Variants in ZNF385D observed in about 807,000 individuals in gnomAD.
ZNF385D encodes the protein zinc finger protein 659.
Under a neutral mutation model 35.8 loss-of-function variants are expected in ZNF385D, and 15 were observed. The observed-to-expected ratio is 0.42, with a 90% CI of 0.28 to 0.64. The LOEUF (loss-of-function observed/expected upper bound fraction) is 0.64. ZNF385D is among the 30% of genes least tolerant of loss of function. The pLI is 0.23. For synonymous variants in ZNF385D, 212 were observed against 186.8 expected (o/e 1.13, Z -1.10); for missense variants, 474 against 494.6 (o/e 0.96, Z 0.39).
At position 21,948,228 on chromosome 3, in the gene ZNF385D, T is replaced by C. The variant is rs574251209; in HGVS notation, c.325+220589A>G. On this transcript the variant is annotated intron_variant, in intron 3 of 5. Coordinates refer to the ZNF385D transcript ENST00000494108. ...AATTTCATAAATGGCCCTCATTTTT[T>C]TTACACTTACTGAAATAGATTAATT... Among the ~76,000 whole-genome samples, 361 of 151,074 alleles carry C rather than the reference T, an allele frequency of 2.4e-3. 1 individual carries two copies. Among genetic ancestry groups the C allele is most frequent in the Non-Finnish European group, 4.4e-3 (297 of 67,922 alleles).
intron 3 of ZNF385D, among the ~76,000 whole-genome samples, chr3:21,888,570 G>A (rs1575843786): frequency 6.6e-6 from 1 of 152,094 alleles, no homozygotes; most frequent in Non-Finnish European, 1.5e-5. Context: ...AGTTTTCAGT[G>A]TTGCTGCGGA....
chr3:22,200,909 G>T (rs1029928723), intron 2 of ZNF385D, among the ~76,000 whole-genome samples: 1 of 152,070 alleles, frequency 6.6e-6, no homozygotes, highest in Non-Finnish European at 1.5e-5. Flanking sequence ...TATCTCTCTT[G>T]TTCCCTCAAC....
intron 3 of ZNF385D, among the ~76,000 whole-genome samples, chr3:22,087,347 C>G (rs1445267290): frequency 1.3e-5 from 2 of 151,968 alleles, no homozygotes; most frequent in Non-Finnish European, 2.9e-5. Flanking sequence ...CATGAACACT[C>G]AGAGAAATAA....
chr3:22,038,749 T>A (rs536482050), intron 3 of ZNF385D, among the ~76,000 whole-genome samples: 1 of 151,978 alleles, frequency 6.6e-6, no homozygotes, highest in Non-Finnish European at 1.5e-5. Flanking sequence ...GTTAAGATTA[T>A]AGATTTCATA....
At chr3:22,223,562 G>A (rs1374597409) in intron 2 of ZNF385D, among the ~76,000 whole-genome samples, 1 of 152,118 alleles carries the variant, frequency 6.6e-6, no homozygotes, top group Non-Finnish European at 1.5e-5. Context: ...TTGAAAGTAT[G>A]TGGCAGGGTT....
rs958434197 is a variant in ZNF385D at position 21,707,333 on chromosome 3, C to T, written c.23-42305G>A. 5.9e-5 allele frequency among the ~76,000 whole-genome samples: 9 copies of T among 152,086 alleles called. 1 individual carries two copies. The South Asian group carries it at 1.9e-3, about 31-fold the overall frequency. On this transcript the variant is annotated intron_variant, in intron 1 of 7. Transcript: ENST00000281523. The stretch of plus-strand genomic sequence containing the variant: ...GCACAGGTGTGGGATTGTTTACAGT[C>T]CTTTGGTACAGTAGGAAGTCAAGCT...
At chr3:21,807,667 G>C (rs2072715921) in intron 3 of ZNF385D, among the ~76,000 whole-genome samples, 1 of 151,942 alleles carries the variant, frequency 6.6e-6, no homozygotes, top group African/African-American at 2.4e-5. Flanking sequence ...TAATAAAATG[G>C]AATTATGGTG....
chr3:22,096,219 T>A (rs1222228436), intron 3 of ZNF385D, among the ~76,000 whole-genome samples: 1 of 151,998 alleles, frequency 6.6e-6, no homozygotes, highest in Non-Finnish European at 1.5e-5. Flanking sequence ...TTGAGTAGCA[T>A]GCTCACTACC....
chr3:21,676,121 A>G (rs2125298506), intron 1 of ZNF385D, among the ~76,000 whole-genome samples: 1 of 152,240 alleles, frequency 6.6e-6, no homozygotes, highest in East Asian at 1.9e-4. Context: ...ATTTATTAAG[A>G]ACAGTGAATA....
intron 3 of ZNF385D, among the ~76,000 whole-genome samples, chr3:22,155,022 C>T (rs561044882): frequency 2.6e-5 from 4 of 152,028 alleles, no homozygotes; most frequent in Non-Finnish European, 5.9e-5. Flanking sequence ...TAAGGGAGAA[C>T]AGGCAGATTT....
chr3:22,295,891 C>G (rs551534289), intron 2 of ZNF385D, among the ~76,000 whole-genome samples: 15 of 152,092 alleles, frequency 9.9e-5, no homozygotes, highest in Non-Finnish European at 1.8e-4. Flanking sequence ...AGTACAAAGG[C>G]TAATATTTGA....
rs111980545 is a variant in ZNF385D, at chr3:21,982,718, A to G, written c.325+186099T>C. ...CTATTCAGTATAACATTGACTGTGG[A>G]TTTGTCATAGATGGCTCTTATTATT... On this transcript the variant is annotated intron_variant, in intron 3 of 5. Coordinates refer to the ZNF385D transcript ENST00000494108. Among the ~76,000 whole-genome samples the G allele has an allele frequency of 1.4e-4, 22 of 152,042 alleles. 1 individual carries two copies. Among genetic ancestry groups the G allele is most frequent in the African/African-American group, 4.3e-4 (18 of 41,494 alleles).
intron 4 of ZNF385D, among the ~76,000 whole-genome samples, chr3:21,456,745 A>ATAAT (rs1484354870): frequency 6.6e-6 from 1 of 151,762 alleles, no homozygotes; most frequent in African/African-American, 2.4e-5. Flanking sequence ...TAAAAAATAA[A>ATAAT]TAAATAATTA....
chr3:21,828,686 C>G (rs1413115947), intron 3 of ZNF385D, among the ~76,000 whole-genome samples: 2 of 152,216 alleles, frequency 1.3e-5, no homozygotes, highest in Non-Finnish European at 2.9e-5. Flanking sequence ...CAACAAATTA[C>G]TACAACCTTA....
chr3:21,489,487 T>A (rs1387771337), intron 4 of ZNF385D, among the ~76,000 whole-genome samples: 1 of 152,098 alleles, frequency 6.6e-6, no homozygotes, highest in Non-Finnish European at 1.5e-5. Context: ...AAATGGCTTA[T>A]TGAGCACAAA....
At chr3:21,703,852 T>A (rs4858343) in intron 1 of ZNF385D, among the ~76,000 whole-genome samples, 1 of 151,912 alleles carries the variant, frequency 6.6e-6, no homozygotes, top group Non-Finnish European at 1.5e-5. Flanking sequence ...GCTACTCCTG[T>A]ATGGTCAACT....
rs3884133 is a variant in ZNF385D at position 21,859,673 on chromosome 3, A to ATTT, written c.326-194648_326-194646dup. 4.5e-3 allele frequency among the ~76,000 whole-genome samples: 666 copies of ATTT among 146,900 alleles called. 8 individuals carry two copies. Among genetic ancestry groups the ATTT allele is most frequent in the African/African-American group, 0.01 (413 of 40,072 alleles). On this transcript the variant is annotated intron_variant, in intron 3 of 5. Coordinates refer to the ZNF385D transcript ENST00000494108. ...TATTGCTGGCTGTGACTCCAAAGGC[A>ATTT]TTTTTTTTTTTTTCCTGTAGTTGTG...
chr3:21,883,333 T>G (rs956142874), intron 3 of ZNF385D, among the ~76,000 whole-genome samples: 4 of 151,974 alleles, frequency 2.6e-5, no homozygotes, highest in Non-Finnish European at 5.9e-5. Context: ...CCAACAAATT[T>G]CTTTCCCCTC....
chr3:21,457,346 CGTTGTT>C (rs34762256), intron 4 of ZNF385D, among the ~76,000 whole-genome samples: 24 of 150,692 alleles, frequency 1.6e-4, no homozygotes, highest in South Asian at 1.5e-3. Context: ...TTGTTGTTGT[CGTTGTT>C]GTTGTTGTTG....
Sources: gnomAD v4.1 joint callset for allele counts (sites outside exome capture counted in the v4.1 genomes callset) on GRCh38, gnomAD v4.1.1 for gene constraint, MANE v1.5 for transcripts, NCBI Gene and HGNC (gene_info 2026-07-23, HGNC 2026-07-21) for gene names.